BTG3: variants seen among roughly 807,000 people sequenced by gnomAD.
The protein encoded by BTG3 is BTG anti-proliferation factor 3, also known as protein BTG3.
In BTG3, 4 loss-of-function variants were observed where a neutral mutation model predicts 25.8. The ratio of observed to expected loss-of-function variants is 0.16; its 90% CI spans 0.08 to 0.36. The LOEUF (loss-of-function observed/expected upper bound fraction) is 0.36. BTG3 is among the 10% of genes least tolerant of loss of function. BTG3 has a pLI of 1.00. For synonymous variants in BTG3, 107 were observed against 99.9 expected (o/e 1.07, Z -0.42); for missense variants, 201 against 304.9 (o/e 0.66, Z 2.54).
chr21:17,593,862 T>C lies in BTG3; in HGVS notation c.*231A>G. ...AATATATAAATACTCAAGTCCAATA[T>C]TAAAAACTTAGGCACTTGACTAACT... is the stretch of plus-strand genomic sequence containing the variant. On this transcript the variant is annotated 3_prime_UTR_variant, in exon 5 of 5. Transcript: ENST00000348354. 1.9e-6 allele frequency: 1 copy of C among 522,956 alleles called. No individual in the cohort carries two copies. Among genetic ancestry groups the C allele is most frequent in the East Asian group, 3.4e-5 (1 of 29,064 alleles). 32.4% of individuals were successfully genotyped at this position (522,956 alleles called of 1,614,324 possible).
chr21:17,602,605 T>G (rs1252040047), intron 3 of BTG3, among the ~76,000 whole-genome samples: 1 of 152,180 alleles, frequency 6.6e-6, no homozygotes. Flanking sequence ...CACCTGACAC[T>G]CGCAGGTGAT....
At chr21:17,599,876 A>T (rs1200361241) in intron 3 of BTG3, among the ~76,000 whole-genome samples, 1 of 152,184 alleles carries the variant, frequency 6.6e-6, no homozygotes, top group African/African-American at 2.4e-5. Flanking sequence ...CAATTAAATA[A>T]AAAAGGGGGC....
intron 2 of BTG3, 146 bp downstream of exon 2, chr21:17,608,826 T>TATACAATAAATATACAATATACAATAA: frequency 5.2e-6 from 4 of 767,324 alleles, no homozygotes; most frequent in Non-Finnish European, 5.8e-6. Context: ...TTAAAATGAG[T>TATACAATAAATATACAATATACAATAA]AAGGAGAAAA....
chr21:17,602,134 GA>G (rs2061582453), intron 3 of BTG3, among the ~76,000 whole-genome samples: 5 of 149,968 alleles, frequency 3.3e-5, no homozygotes, highest in Admixed American at 3.3e-4. Context: ...TCTATTGGGG[GA>G]AAAAAAGGAT....
intron 4 of BTG3, 32 bp downstream of exon 4, chr21:17,598,585 T>A (rs763219534): frequency 6.3e-7 from 1 of 1,586,494 alleles, no homozygotes; most frequent in Non-Finnish European, 8.6e-7. Context: ...TCCCTGCACA[T>A]CCCTTTAAAA....
chr21:17,612,042 C>T (rs1449464109), intron 1 of BTG3: 1 of 152,350 alleles, frequency 6.6e-6, no homozygotes, highest in African/African-American at 2.4e-5. Flanking sequence ...CTTTCTGAAG[C>T]CATCGAAACC....
intron 3 of BTG3, 63 bp downstream of exon 3, chr21:17,604,797 C>G: frequency 6.4e-7 from 1 of 1,566,344 alleles, no homozygotes; most frequent in Non-Finnish European, 8.7e-7. Flanking sequence ...CCGTACATGA[C>G]AGAATGTCAT....
intron 3 of BTG3, among the ~76,000 whole-genome samples, chr21:17,603,163 A>G (rs1213272120): frequency 6.6e-6 from 1 of 152,242 alleles, no homozygotes; most frequent in Non-Finnish European, 1.5e-5. Flanking sequence ...ATTAAAAAGT[A>G]AACAATTCAA....
intron 4 of BTG3, among the ~76,000 whole-genome samples, chr21:17,594,767 TC>T (rs2061482706): frequency 6.6e-6 from 1 of 151,576 alleles, no homozygotes; most frequent in Admixed American, 6.6e-5. Context: ...TACCGCATGT[TC>T]TCACTTATAA....
At chr21:17,594,966 A>C (rs1368977419) in intron 4 of BTG3, among the ~76,000 whole-genome samples, 1 of 152,028 alleles carries the variant, frequency 6.6e-6, no homozygotes, top group African/African-American at 2.4e-5. Context: ...CCTATGGAAC[A>C]AACCTTCATG....
intron 2 of BTG3, among the ~76,000 whole-genome samples, chr21:17,606,245 T>C (rs574542575): frequency 2.0e-5 from 3 of 152,176 alleles, no homozygotes; most frequent in East Asian, 3.9e-4. Context: ...CAGAGAGAGT[T>C]TGAGTAACTT....
intron 4 of BTG3, among the ~76,000 whole-genome samples, chr21:17,596,787 GTTCA>G (rs1228639274): frequency 6.6e-6 from 1 of 152,010 alleles, no homozygotes. Context: ...CTTTTAAGAT[GTTCA>G]TTGATACTGA....
chr21:17,606,834 CAT>C (rs2061649562), intron 2 of BTG3, among the ~76,000 whole-genome samples: 1 of 152,136 alleles, frequency 6.6e-6, no homozygotes, highest in South Asian at 2.1e-4. Context: ...CATCCATATT[CAT>C]ACATGTTCGT....
intron 4 of BTG3, among the ~76,000 whole-genome samples, chr21:17,596,647 A>G (rs2061507777): frequency 6.6e-6 from 1 of 152,026 alleles, no homozygotes; most frequent in African/African-American, 2.4e-5. Context: ...CCATCAATAT[A>G]TTTGTATGTT....
intron 3 of BTG3, among the ~76,000 whole-genome samples, chr21:17,599,649 T>TG (rs1169785296): frequency 6.6e-6 from 1 of 152,012 alleles, no homozygotes; most frequent in Non-Finnish European, 1.5e-5. Context: ...CCAGCTAATT[T>TG]TTGTATTTTT....
chr21:17,606,102 C>T (rs965285345), intron 2 of BTG3, among the ~76,000 whole-genome samples: 4 of 151,922 alleles, frequency 2.6e-5, no homozygotes, highest in African/African-American at 9.7e-5. Flanking sequence ...ATAATATTAA[C>T]AATAATAAGC....
At chr21:17,604,190 T>TC (rs1253815852) in intron 3 of BTG3, 1 of 1,223,656 alleles carries the variant, frequency 8.2e-7, no homozygotes, top group South Asian at 1.4e-5. Context: ...ACGCCTGTAA[T>TC]CCAGCGCTTT....
chr21:17,595,788 G>C (rs1454773430), intron 4 of BTG3, among the ~76,000 whole-genome samples: 1 of 151,780 alleles, frequency 6.6e-6, no homozygotes, highest in Non-Finnish European at 1.5e-5. Flanking sequence ...CGTTTCTTTT[G>C]GTAAATATTT....
At chr21:17,602,737 T>C (rs2061590107) in intron 3 of BTG3, among the ~76,000 whole-genome samples, 1 of 152,162 alleles carries the variant, frequency 6.6e-6, no homozygotes, top group Non-Finnish European at 1.5e-5. Flanking sequence ...AGTAGCAGTT[T>C]TTTCCTACCA....
Sources: allele counts gnomAD v4.1 joint callset (sites outside exome capture counted in the v4.1 genomes callset), GRCh38; gene constraint gnomAD v4.1.1; transcripts MANE v1.5; gene names NCBI Gene and HGNC (gene_info 2026-07-23, HGNC 2026-07-21).